Variants in BANK1 observed in about 807,000 individuals in gnomAD.
The protein encoded by BANK1 is B cell scaffold protein with ankyrin repeats 1, also known as B-cell scaffold protein with ankyrin repeats.
In BANK1, 95 loss-of-function variants were observed where a neutral mutation model predicts 94.5. That is an observed-to-expected ratio of 1.00 (90% CI 0.85 to 1.19). The LOEUF is 1.19. Ranked by LOEUF, BANK1 falls within the 50% of genes most tolerant of loss-of-function variation. The pLI is 0.00. For missense variants in BANK1, 987 were observed against 932.2 expected (o/e 1.06, Z -0.77); for synonymous variants, 334 against 308.4 (o/e 1.08, Z -0.87).
chr4:101,851,437 C>G (rs1355353794), intron 2 of BANK1, among the ~76,000 whole-genome samples: 1 of 152,108 alleles, frequency 6.6e-6, no homozygotes, highest in Non-Finnish European at 1.5e-5. Flanking sequence ...GTGCCAGGCA[C>G]AACTGTATGC....
intron 7 of BANK1, chr4:101,982,065 GT>G (rs1434558500): frequency 6.6e-6 from 1 of 152,126 alleles, no homozygotes; most frequent in African/African-American, 2.4e-5. Context: ...ATGAGGAAGT[GT>G]ACTTGTGCTC....
intron 4 of BANK1, among the ~76,000 whole-genome samples, chr4:101,864,828 A>G (rs1372956298): frequency 6.6e-6 from 1 of 152,196 alleles, no homozygotes; most frequent in Non-Finnish European, 1.5e-5. Context: ...AGGAGGACCC[A>G]GTAAGTCCTG....
chr4:102,023,403 A>G (rs926118501), intron 8 of BANK1, among the ~76,000 whole-genome samples: 1 of 152,242 alleles, frequency 6.6e-6, no homozygotes, highest in South Asian at 2.1e-4. Context: ...GAAAATGACC[A>G]TATATTTATC....
intron 2 of BANK1, among the ~76,000 whole-genome samples, chr4:101,830,790 C>T (rs1726587389): frequency 6.6e-6 from 1 of 152,204 alleles, no homozygotes; most frequent in Non-Finnish European, 1.5e-5. Context: ...CTGTGGTCAG[C>T]TGCTTCCCTG....
intron 1 of BANK1, among the ~76,000 whole-genome samples, chr4:101,821,567 G>A (rs549976097): frequency 1.3e-5 from 2 of 152,084 alleles, no homozygotes; most frequent in African/African-American, 4.8e-5. Flanking sequence ...GTCTTCCAGG[G>A]TTTTTGTAGT....
chr4:102,000,781 G>C (rs1204652984), intron 7 of BANK1, among the ~76,000 whole-genome samples: 2 of 152,184 alleles, frequency 1.3e-5, no homozygotes, highest in Non-Finnish European at 2.9e-5. Context: ...GTATAGTGAA[G>C]AAATAAGTTG....
chr4:101,916,735 A>G (rs80121217), intron 6 of BANK1, among the ~76,000 whole-genome samples: 4,056 of 152,158 alleles, frequency 0.027, 186 homozygotes, highest in African/African-American at 0.094. Context: ...TTCTCATGAA[A>G]TTACTGTTTG....
chr4:101,864,761 C>T (rs567425372), intron 4 of BANK1, among the ~76,000 whole-genome samples: 3 of 152,104 alleles, frequency 2.0e-5, no homozygotes, highest in Non-Finnish European at 2.9e-5. Flanking sequence ...AATAAACAGC[C>T]GTGTAGGACA....
At chr4:101,933,468 GT>G (rs1402608920) in intron 7 of BANK1, among the ~76,000 whole-genome samples, 1 of 151,520 alleles carries the variant, frequency 6.6e-6, no homozygotes, top group Non-Finnish European at 1.5e-5. Flanking sequence ...GGGTTGTTAT[GT>G]CTGTAGCCTA....
intron 2 of BANK1, among the ~76,000 whole-genome samples, chr4:101,847,007 CT>C (rs1162415720): frequency 6.6e-6 from 1 of 152,186 alleles, no homozygotes; most frequent in Non-Finnish European, 1.5e-5. Flanking sequence ...CTGTCAGCAT[CT>C]GCTGCGCTCC....
chr4:101,979,494 AT>A (rs1456193898), intron 7 of BANK1, among the ~76,000 whole-genome samples: 5 of 151,848 alleles, frequency 3.3e-5, no homozygotes, highest in South Asian at 4.1e-4. Flanking sequence ...AATATTCAAC[AT>A]TTTTTTGAGA....
At chr4:101,829,044 A>G (rs1274635549) in intron 1 of BANK1, among the ~76,000 whole-genome samples, 2 of 151,870 alleles carry the variant, frequency 1.3e-5, no homozygotes, top group Admixed American at 6.6e-5. Context: ...TTGTATTTTT[A>G]GTAGAGATGG....
intron 7 of BANK1, among the ~76,000 whole-genome samples, chr4:101,977,836 A>G (rs189330766): frequency 3.9e-5 from 6 of 152,304 alleles, no homozygotes; most frequent in Admixed American, 2.6e-4. Context: ...AAAATACCTG[A>G]TTCTATTTAG....
At chr4:101,898,334 A>G (rs1238338639) in intron 6 of BANK1, among the ~76,000 whole-genome samples, 2 of 151,980 alleles carry the variant, frequency 1.3e-5, no homozygotes, top group South Asian at 2.1e-4. Flanking sequence ...TTATACATAT[A>G]TTAATCAAGG....
chr4:102,014,285 T>C (rs940146824), intron 7 of BANK1, among the ~76,000 whole-genome samples: 4 of 152,138 alleles, frequency 2.6e-5, no homozygotes, highest in African/African-American at 9.7e-5. Flanking sequence ...ACCTGCTTCT[T>C]TGATTGGGTA....
chr4:101,877,644 G>A (rs1728538717), intron 5 of BANK1, among the ~76,000 whole-genome samples: 1 of 152,044 alleles, frequency 6.6e-6, no homozygotes, highest in Non-Finnish European at 1.5e-5. Context: ...ATTTGCTTTG[G>A]GAGGCAGAGG....
chr4:101,962,915 G>A (rs913393875), intron 7 of BANK1, among the ~76,000 whole-genome samples: 2 of 152,012 alleles, frequency 1.3e-5, no homozygotes, highest in Non-Finnish European at 1.5e-5. Flanking sequence ...TGAAATTGCT[G>A]CATCTAAAGC....
chr4:102,071,455 C>A, intron 14 of BANK1, 151 bp downstream of exon 14: 17 of 741,258 alleles, frequency 2.3e-5, no homozygotes, highest in African/African-American at 3.5e-5. Context: ...ACTTGACATC[C>A]AAAATAAACG....
At chr4:101,942,815 T>C (rs973725712) in intron 7 of BANK1, among the ~76,000 whole-genome samples, 3 of 151,926 alleles carry the variant, frequency 2.0e-5, no homozygotes, top group Admixed American at 1.3e-4. Flanking sequence ...AAAAATAAAA[T>C]GTTTAATTCA....
Sources: allele counts gnomAD v4.1 joint callset (sites outside exome capture counted in the v4.1 genomes callset), GRCh38; gene constraint gnomAD v4.1.1; transcripts MANE v1.5; gene names NCBI Gene and HGNC (gene_info 2026-07-23, HGNC 2026-07-21).